PRTG: variants seen among roughly 807,000 people sequenced by gnomAD.
PRTG encodes immunoglobulin superfamily, DCC subclass, member 5.
A neutral mutation model predicts 122.5 loss-of-function variants in PRTG; 67 were observed. The ratio of observed to expected loss-of-function variants is 0.55; its 90% confidence interval spans 0.45 to 0.67. The LOEUF (loss-of-function observed/expected upper bound fraction) is 0.67. Ranked by LOEUF, PRTG falls within the 30% of genes least tolerant of loss-of-function variation. The pLI, the probability that PRTG is intolerant of heterozygous loss-of-function variation, is 0.00. For missense variants in PRTG, 1,435 were observed against 1,415.4 expected, an observed-to-expected ratio of 1.01 and a Z score of -0.22; for synonymous variants, 554 against 501.1, an observed-to-expected ratio of 1.11 and a Z score of -1.41.
At chr15:55,682,287 T>G in intron 4 of PRTG, 77 bp downstream of exon 4, 1 of 1,209,508 alleles carries the variant, frequency 8.3e-7, no homozygotes, top group Non-Finnish European at 1.1e-6. Flanking sequence ...TATGGCACAT[T>G]ATTACAGCAG....
chr15:55,723,769 T>TG (rs71110315), intron 2 of PRTG, among the ~76,000 whole-genome samples: 1 of 149,152 alleles, frequency 6.7e-6, no homozygotes, highest in East Asian at 1.9e-4. Context: ...TTTTTTTTTT[T>TG]GAGTTGGAGT....
intron 2 of PRTG, among the ~76,000 whole-genome samples, chr15:55,708,945 G>C (rs1486285932): frequency 6.6e-6 from 1 of 151,916 alleles, no homozygotes; most frequent in African/African-American, 2.4e-5. Context: ...AGGAGTTCAA[G>C]GCCAGCCTGG....
intron 11 of PRTG, among the ~76,000 whole-genome samples, chr15:55,666,794 T>C (rs536723311): frequency 2.0e-5 from 3 of 152,334 alleles, no homozygotes; most frequent in East Asian, 3.9e-4. Context: ...AATGCAGTTT[T>C]CCCAGGCACT....
At chr15:55,664,100 TAC>T (rs2059424580) in intron 11 of PRTG, among the ~76,000 whole-genome samples, 1 of 152,184 alleles carries the variant, frequency 6.6e-6, no homozygotes, top group Non-Finnish European at 1.5e-5. Context: ...TACATTTGTG[TAC>T]AGTTTTTTTG....
intron 11 of PRTG, among the ~76,000 whole-genome samples, chr15:55,667,357 T>A (rs2059444646): frequency 6.6e-6 from 1 of 152,118 alleles, no homozygotes; most frequent in Admixed American, 6.6e-5. Flanking sequence ...GTAATAGTAT[T>A]TTTTTAGTAG....
At chr15:55,712,322 C>G (rs1287084618) in intron 2 of PRTG, among the ~76,000 whole-genome samples, 4 of 152,196 alleles carry the variant, frequency 2.6e-5, no homozygotes, top group Non-Finnish European at 5.9e-5. Context: ...CAGACAAAGA[C>G]CCCTGTCTCA....
rs917912817 is a variant in PRTG, at chr15:55,672,078, A to T, written c.2041+367T>A. 9.2e-5 allele frequency among the ~76,000 whole-genome samples: 14 copies of T among 152,292 alleles called. 1 individual carries two copies. The South Asian group carries it at 2.5e-3, about 27-fold the overall frequency. ...TACTCTCAGGCACATTTTAAGTGAA[A>T]CTTAACCACTGAGTATGATTTGGTG... On this transcript the variant is annotated intron_variant, in intron 11 of 19. Coordinates refer to ENST00000389286, the MANE Select transcript of PRTG (RefSeq NM_173814.6).
intron 2 of PRTG, among the ~76,000 whole-genome samples, chr15:55,691,929 C>T (rs1319268166): frequency 2.0e-5 from 3 of 151,938 alleles, no homozygotes; most frequent in African/African-American, 7.3e-5. Context: ...CCCAGCTACT[C>T]AGGCAGCTGA....
chr15:55,719,660 A>G (rs561521756), intron 2 of PRTG, among the ~76,000 whole-genome samples: 3 of 152,358 alleles, frequency 2.0e-5, no homozygotes, highest in African/African-American at 7.2e-5. Flanking sequence ...ACTAAATCAT[A>G]ACATAGTAGT....
At chr15:55,729,423 G>A (rs1370922917) in intron 2 of PRTG, among the ~76,000 whole-genome samples, 1 of 151,900 alleles carries the variant, frequency 6.6e-6, no homozygotes, top group Non-Finnish European at 1.5e-5. Context: ...AAAATTTTCT[G>A]GAATTAGACA....
Position 55,635,769 on chromosome 15 carries a change from T to C in PRTG, c.2623+1401A>G, listed in dbSNP as rs367741382. ...ATATTACATGAACATAAATATCTTT[T>C]AAATTTATCTTCTTAATTGGGTAAA... On this transcript the variant is annotated intron_variant, in intron 15 of 19. Transcript: ENST00000389286. Among the ~76,000 whole-genome samples, 13 of 152,298 alleles carry C rather than the reference T, an allele frequency of 8.5e-5. No homozygotes were observed. In the South Asian group the frequency reaches 2.7e-3, roughly 32 times the overall value.
Position 55,673,610 on chromosome 15 carries a change from A to G in PRTG, c.1613T>C (p.Leu538Pro). ...CCGCCGATATTTGGCTGGGATTGGC[A>G]GCCAGGAGATGAGAATATCAGTGGG... The part of the protein sequence containing the change: ...RSPTDILISW[L>P]PIPAKYRRGQ... Residue 538 changes from leucine to proline, a missense_variant, in exon 10 of 20, where the codon CTG becomes CCG. Transcript: ENST00000389286. The G allele has an allele frequency of 1.2e-6, 2 of 1,614,186 alleles. No homozygotes were observed. Among genetic ancestry groups the G allele is most frequent in the South Asian group, 2.2e-5 (2 of 91,086 alleles).
intron 11 of PRTG, among the ~76,000 whole-genome samples, chr15:55,670,882 A>G (rs907265117): frequency 2.0e-5 from 3 of 149,974 alleles, no homozygotes; most frequent in South Asian, 2.1e-4. Context: ...CCTGGGCAAC[A>G]AGAGTAAAAC....
intron 11 of PRTG, among the ~76,000 whole-genome samples, chr15:55,651,941 A>G (rs978009271): frequency 2.0e-5 from 3 of 151,638 alleles, no homozygotes; most frequent in Non-Finnish European, 4.4e-5. Flanking sequence ...AAGTAGGGGG[A>G]AAAAATCCTC....
intron 14 of PRTG, among the ~76,000 whole-genome samples, chr15:55,638,250 G>T (rs185078701): frequency 2.0e-5 from 3 of 151,980 alleles, no homozygotes; most frequent in Non-Finnish European, 2.9e-5. Flanking sequence ...TTCACTTACC[G>T]CCATTTAAAA....
chr15:55,680,475 T>TC lies in PRTG; in HGVS notation c.814+15dup. On this transcript the variant is annotated intron_variant, in intron 5 of 19. Transcript: ENST00000389286. ...TTAAGGAAAAGACTTTTTTTTTTTT[T>TC]CCTGAGAAGACTTACCAAGGCGGCT... The TC allele has an allele frequency of 6.4e-7, 1 of 1,552,952 alleles. No individual in the cohort carries two copies. The highest frequency in any genetic ancestry group is 1.3e-5 in the South Asian group (1 of 78,528).
At chr15:55,709,146 A>AAC (rs2030274493) in intron 2 of PRTG, among the ~76,000 whole-genome samples, 3 of 4,072 alleles carry the variant, frequency 7.4e-4, no homozygotes, top group Non-Finnish European at 1.8e-3. Context: ...ACTCTGTCTC[A>AAC]AAAAAAAAAA....
chr15:55,621,634 C>T (rs536976679), intron 18 of PRTG, among the ~76,000 whole-genome samples: 3 of 152,262 alleles, frequency 2.0e-5, no homozygotes, highest in South Asian at 4.1e-4. Context: ...TAGCAAGACT[C>T]TGTCTCAAAA....
At chr15:55,738,589 C>T in intron 2 of PRTG, 1 of 692,114 alleles carries the variant, frequency 1.4e-6, no homozygotes, top group South Asian at 1.5e-5. Flanking sequence ...CTCTATAGAA[C>T]AAGTTTACAT....
Sources: allele counts gnomAD v4.1 joint callset (sites outside exome capture counted in the v4.1 genomes callset), GRCh38; gene constraint gnomAD v4.1.1; transcripts MANE v1.5; gene names NCBI Gene and HGNC (gene_info 2026-07-23, HGNC 2026-07-21).